GALNT18: variants seen among roughly 807,000 people sequenced by gnomAD.
GALNT18 encodes the protein polypeptide N-acetylgalactosaminyltransferase 18.
A neutral mutation model predicts 69.5 loss-of-function variants in GALNT18; 44 were observed. The ratio of observed to expected loss-of-function variants is 0.63; its 90% CI spans 0.50 to 0.81. The LOEUF is 0.81. GALNT18 is among the 40% of genes least tolerant of loss of function. GALNT18 has a pLI of 0.00. For synonymous variants in GALNT18, 364 were observed against 318.2 expected, an observed-to-expected ratio of 1.14 and a Z score of -1.53; for missense variants, 715 against 810.0, an observed-to-expected ratio of 0.88 and a Z score of 1.42.
In GALNT18 at chr11:11,341,726, T is replaced by G. The variant is rs952109506; in HGVS notation, c.1093-722A>C. On this transcript the variant is annotated intron_variant, in intron 6 of 10. Transcript: ENST00000227756. This position sits in a 1 kb window ranked among gnomAD's most constrained non-coding sequence, Gnocchi z 6.3. ...TCCTGACCTTTCAATGTTCCTGAAC[T>G]TGCACTCTTTTGTGCTTCTAGGCTT... Among the ~76,000 whole-genome samples, 2 of 152,200 alleles carry G rather than the reference T, an allele frequency of 1.3e-5. No homozygotes were observed. Among genetic ancestry groups the G allele is most frequent in the African/African-American group, 4.8e-5 (2 of 41,452 alleles).
chr11:11,349,063 ATTG>A (rs1001819236), intron 6 of GALNT18, among the ~76,000 whole-genome samples: 1 of 152,126 alleles, frequency 6.6e-6, no homozygotes, highest in African/African-American at 2.4e-5. Context: ...TACACTGCAC[ATTG>A]TTTAGTTTTG....
chr11:11,597,442 T>A (rs1859526012), intron 1 of GALNT18, among the ~76,000 whole-genome samples: 1 of 152,220 alleles, frequency 6.6e-6, no homozygotes, highest in South Asian at 2.1e-4. Flanking sequence ...GAGAATTTTT[T>A]AAATCACTAA....
Position 11,432,886 on chromosome 11 carries a change from C to G in GALNT18, c.429-99G>C. The G allele has an allele frequency of 3.3e-6, 4 of 1,212,556 alleles. No individual in the cohort carries two copies. The South Asian group carries it at 6.0e-5, about 18-fold the overall frequency. The allele number at this position is 1,212,556 out of a possible 1,614,324, so 75.1% of individuals were successfully genotyped here. ...CTGGCTCCAGCTTTGCTGGAGGGCT[C>G]GGGAGTCCAGATTCTTCCAAGGGCC... On this transcript the variant is annotated intron_variant, in intron 2 of 10. Coordinates refer to ENST00000227756, the MANE Select transcript of GALNT18 (RefSeq NM_198516.3). The surrounding 1 kb of genome is among the most constrained non-coding windows in gnomAD (Gnocchi z 5.8).
At position 11,310,446 on chromosome 11, in the gene GALNT18, G is replaced by T. The variant is rs117662827; in HGVS notation, c.1512+16640C>A. 2.5e-3 allele frequency among the ~76,000 whole-genome samples: 387 copies of T among 152,268 alleles called. 1 individual carries two copies. The highest frequency in any genetic ancestry group is 4.6e-3 in the Non-Finnish European group (316 of 68,030). Reference sequence around the variant, plus strand: ...TCTGAATGACCCAGCATATTCCAAGGATGCTAAAAATGCTGCGGAGATGTA... The same window carrying T: ...TCTGAATGACCCAGCATATTCCAAGTATGCTAAAAATGCTGCGGAGATGTA... On this transcript the variant is annotated intron_variant, in intron 9 of 10. Coordinates refer to ENST00000227756, the MANE Select transcript of GALNT18 (RefSeq NM_198516.3).
rs34586806 is a variant in GALNT18, at chr11:11,377,060, AC to A, written c.977+121del. Reference sequence around the variant, plus strand: ...GAAGATCAGACTGCAGTTCCTTTCGACCCTGCCCACCCCTGTCATCCCCACG... The same window carrying A: ...GAAGATCAGACTGCAGTTCCTTTCGACCTGCCCACCCCTGTCATCCCCACG... On this transcript the variant is annotated intron_variant, in intron 5 of 10. Coordinates refer to ENST00000227756, the MANE Select transcript of GALNT18 (RefSeq NM_198516.3). The surrounding 1 kb of genome is among the most constrained non-coding windows in gnomAD (Gnocchi z 4.6). 18,107 of 851,346 alleles carry A rather than the reference AC, an allele frequency of 0.021. 269 individuals are homozygous for A. Among genetic ancestry groups the A allele is most frequent in the Non-Finnish European group, 0.028 (14,994 of 534,596 alleles). The allele number at this position is 851,346 out of a possible 1,614,324, so 52.7% of individuals were successfully genotyped here.
chr11:11,527,378 G>A (rs1015404636), intron 1 of GALNT18, among the ~76,000 whole-genome samples: 1 of 152,080 alleles, frequency 6.6e-6, no homozygotes, highest in Non-Finnish European at 1.5e-5. Flanking sequence ...TTTGCCTTTC[G>A]AGTCTCTGGG....
intron 1 of GALNT18, among the ~76,000 whole-genome samples, chr11:11,553,541 C>T (rs1280639226): frequency 6.8e-6 from 1 of 146,824 alleles, no homozygotes; most frequent in African/African-American, 2.4e-5. Flanking sequence ...GATCTGGGTC[C>T]TGCCTCCATG....
At position 11,542,168 on chromosome 11, in the gene GALNT18, A is replaced by G. The variant is rs1857944478; in HGVS notation, c.235+79191T>C. Reference sequence around the variant, plus strand: ...AATCACTTAAGCTTATTTACTGACCATTAAAGACTTTGCCCAAAGGCTGTG... The same window carrying G: ...AATCACTTAAGCTTATTTACTGACCGTTAAAGACTTTGCCCAAAGGCTGTG... On this transcript the variant is annotated intron_variant, in intron 1 of 10. Transcript: ENST00000227756. The surrounding 1 kb of genome is among the most constrained non-coding windows in gnomAD (Gnocchi z 4.3). Among the ~76,000 whole-genome samples the G allele has an allele frequency of 6.6e-6, 1 of 152,212 alleles. No individual in the cohort carries two copies. Among genetic ancestry groups the G allele is most frequent in the African/African-American group, 2.4e-5 (1 of 41,470 alleles).
rs1174512013 is a variant in GALNT18 at position 11,604,597 on chromosome 11, G to C, written c.235+16762C>G. ...GCGGAGAGAAGGGTGATGTGGATCA[G>C]AATGCAGCCTTAGCAACCAGAATGC... On this transcript the variant is annotated intron_variant, in intron 1 of 10. Coordinates refer to ENST00000227756, the MANE Select transcript of GALNT18 (RefSeq NM_198516.3). The surrounding 1 kb of genome is among the most constrained non-coding windows in gnomAD (Gnocchi z 5.6). Among the ~76,000 whole-genome samples the C allele has an allele frequency of 6.6e-6, 1 of 152,242 alleles. No homozygotes were observed. Among genetic ancestry groups the C allele is most frequent in the Non-Finnish European group, 1.5e-5 (1 of 68,048 alleles).
At chr11:11,448,457 TA>T (rs1183150063) in intron 2 of GALNT18, among the ~76,000 whole-genome samples, 1 of 152,240 alleles carries the variant, frequency 6.6e-6, no homozygotes, top group Non-Finnish European at 1.5e-5. Flanking sequence ...AATGACGTAT[TA>T]ACAGGAATGT....
intron 1 of GALNT18, among the ~76,000 whole-genome samples, chr11:11,529,744 G>A (rs933315917): frequency 2.6e-5 from 4 of 152,162 alleles, no homozygotes; most frequent in African/African-American, 9.7e-5. Context: ...ATATGAGTGT[G>A]TGCCTACGTA....
Position 11,546,014 on chromosome 11 carries a change from G to T in GALNT18, c.235+75345C>A, listed in dbSNP as rs1053925154. Among the ~76,000 whole-genome samples, 2 of 152,162 alleles carry T rather than the reference G, an allele frequency of 1.3e-5. No individual in the cohort carries two copies. Among genetic ancestry groups the T allele is most frequent in the East Asian group, 3.9e-4 (2 of 5,172 alleles). Reference sequence around the variant, plus strand: ...CCAGGAGCTGAGACACCCTGGGGAGGTTCCCAGCTTTAGAACATTGGCAAA... The same window carrying T: ...CCAGGAGCTGAGACACCCTGGGGAGTTTCCCAGCTTTAGAACATTGGCAAA... On this transcript the variant is annotated intron_variant, in intron 1 of 10. Coordinates refer to ENST00000227756, the MANE Select transcript of GALNT18 (RefSeq NM_198516.3). This position sits in a 1 kb window ranked among gnomAD's most constrained non-coding sequence, Gnocchi z 5.8.
intron 9 of GALNT18, among the ~76,000 whole-genome samples, chr11:11,326,811 C>G (rs1397254632): frequency 2.0e-5 from 3 of 152,202 alleles, no homozygotes; most frequent in Non-Finnish European, 4.4e-5. Flanking sequence ...GCAGGTGTTT[C>G]TCTTTAGAAG....
At position 11,312,021 on chromosome 11, in the gene GALNT18, A is replaced by G. The variant is rs575486789; in HGVS notation, c.1512+15065T>C. Reference sequence around the variant, plus strand: ...GCCCAGGCTGGAGTGCAGTGGCGCAATCTCGGCTCACTGCAAGCTCTACCT... The same window carrying G: ...GCCCAGGCTGGAGTGCAGTGGCGCAGTCTCGGCTCACTGCAAGCTCTACCT... On this transcript the variant is annotated intron_variant, in intron 9 of 10. Transcript: ENST00000227756. 2.0e-3 allele frequency among the ~76,000 whole-genome samples: 305 copies of G among 152,294 alleles called. 1 individual carries two copies. The highest frequency in any genetic ancestry group is 0.014 in the Middle Eastern group (4 of 294).
chr11:11,443,379 T>G (rs1855574648), intron 2 of GALNT18, among the ~76,000 whole-genome samples: 1 of 152,104 alleles, frequency 6.6e-6, no homozygotes, highest in Non-Finnish European at 1.5e-5. Context: ...AAAGAAATGA[T>G]GTTTCACTTA....
At chr11:11,462,284 TTTTTTC>T (rs1564961538) in intron 1 of GALNT18, among the ~76,000 whole-genome samples, 2 of 134,156 alleles carry the variant, frequency 1.5e-5, no homozygotes, top group East Asian at 3.9e-4. Flanking sequence ...CTTTTTTTTT[TTTTTTC>T]CTTTGCGATG....
chr11:11,353,406 C>A (rs1850461965), intron 6 of GALNT18: 4 of 533,412 alleles, frequency 7.5e-6, no homozygotes, highest in Middle Eastern at 5.0e-4. Context: ...ATATTCAGAG[C>A]CCTTTTTGGG....
At position 11,315,103 on chromosome 11, in the gene GALNT18, A is replaced by C. The variant is rs1376953652; in HGVS notation, c.1512+11983T>G. Among the ~76,000 whole-genome samples the C allele has an allele frequency of 6.6e-6, 1 of 152,058 alleles. No individual in the cohort carries two copies. The highest frequency in any genetic ancestry group is 1.9e-4 in the East Asian group (1 of 5,198). ...GTGTACATACAGAAGTAAATGCATA[A>C]ACAGATATATAAATATTATATATTA... On this transcript the variant is annotated intron_variant, in intron 9 of 10. Coordinates refer to ENST00000227756, the MANE Select transcript of GALNT18 (RefSeq NM_198516.3). The surrounding 1 kb of genome is among the most constrained non-coding windows in gnomAD (Gnocchi z 5.6).
At position 11,415,501 on chromosome 11, in the gene GALNT18, G is replaced by A. The variant is rs1158504302; in HGVS notation, c.595+17120C>T. Among the ~76,000 whole-genome samples, 1 of 151,972 alleles carries A rather than the reference G, an allele frequency of 6.6e-6. No individual in the cohort carries two copies. Among genetic ancestry groups the A allele is most frequent in the Non-Finnish European group, 1.5e-5 (1 of 67,996 alleles). Reference sequence around the variant, plus strand: ...ACAAGGCAGTTAAAGAAATACATAAGTAAAAACAAAAAGAGTCTAGTGGGA... The same window carrying A: ...ACAAGGCAGTTAAAGAAATACATAAATAAAAACAAAAAGAGTCTAGTGGGA... On this transcript the variant is annotated intron_variant, in intron 3 of 10. Transcript: ENST00000227756. The surrounding 1 kb of genome is among the most constrained non-coding windows in gnomAD (Gnocchi z 4.1).
Sources: gnomAD v4.1 joint callset for allele counts (sites outside exome capture counted in the v4.1 genomes callset) on GRCh38, gnomAD v4.1.1 for gene constraint, Gnocchi (gnomAD v3.1) non-coding constraint, MANE v1.5 for transcripts, NCBI Gene and HGNC (gene_info 2026-07-23, HGNC 2026-07-21) for gene names.